ATG7: variants seen among roughly 807,000 people sequenced by gnomAD.
The protein encoded by ATG7 is ubiquitin-like modifier-activating enzyme ATG7.
ATG7 carries 70 observed loss-of-function variants against 82.4 expected under a neutral mutation model. That is an observed-to-expected ratio of 0.85 (90% confidence interval 0.70 to 1.04). ATG7 has a LOEUF of 1.04. Ranked by LOEUF, ATG7 falls within the 50% of genes least tolerant of loss-of-function variation. The probability of loss-of-function intolerance (pLI) is 0.00; values close to 1 mark genes in which losing one functional copy is unlikely to be tolerated. For missense variants in ATG7, 792 were observed against 864.3 expected (o/e 0.92, Z 1.05); for synonymous variants, 287 against 313.0 (o/e 0.92, Z 0.88).
At chr3:11,317,842 C>T (rs531951431) in intron 9 of ATG7, among the ~76,000 whole-genome samples, 21 of 152,300 alleles carry the variant, frequency 1.4e-4, no homozygotes, top group Non-Finnish European at 2.5e-4. Context: ...CCTCCCGCCT[C>T]GCCCTCCCAA....
downstream of ATG7, among the ~76,000 whole-genome samples, chr3:11,561,560 G>C (rs888119579): frequency 6.6e-6 from 1 of 152,186 alleles, no homozygotes; most frequent in African/African-American, 2.4e-5. Context: ...GCTGGAGTCA[G>C]GCATCTTGCC....
At chr3:11,325,558 C>A (rs1434306765) in intron 9 of ATG7, among the ~76,000 whole-genome samples, 3 of 151,960 alleles carry the variant, frequency 2.0e-5, no homozygotes, top group East Asian at 1.9e-4. Context: ...GTAATCCCAG[C>A]TACTCGGGAG....
intron 20 of ATG7, among the ~76,000 whole-genome samples, chr3:11,552,478 C>T (rs535010898): frequency 1.3e-5 from 2 of 152,262 alleles, no homozygotes; most frequent in Admixed American, 6.5e-5. Context: ...GTAGAGCCTG[C>T]AGATCCCAGC....
At chr3:11,287,204 A>G (rs1016093107) in intron 3 of ATG7, among the ~76,000 whole-genome samples, 3 of 152,226 alleles carry the variant, frequency 2.0e-5, no homozygotes, top group African/African-American at 7.2e-5. Flanking sequence ...CAGGTAAGCA[A>G]AGAGTTGAAA....
In ATG7 at chr3:11,479,257, C is replaced by T. The variant is rs146712328; in HGVS notation, c.2079+52331C>T. On this transcript the variant is annotated intron_variant, in intron 20 of 20. Coordinates refer to ENST00000693202, the MANE Select transcript of ATG7 (RefSeq NM_001349232.2). The stretch of plus-strand genomic sequence containing the variant: ...GGCACCTTTCAAAAAGTGAATTGGG[C>T]AGGTTCAGAGCTAATTTTTTCTTTA... Among the ~76,000 whole-genome samples, 9 of 152,182 alleles carry T rather than the reference C, an allele frequency of 5.9e-5. 1 individual carries two copies. In the East Asian group the frequency reaches 1.5e-3, roughly 26 times the overall value.
intron 9 of ATG7, among the ~76,000 whole-genome samples, chr3:11,319,021 C>A (rs945818363): frequency 2.0e-5 from 3 of 152,190 alleles, no homozygotes; most frequent in African/African-American, 7.2e-5. Context: ...AACTTTAGCA[C>A]AGAATCTTGT....
intron 20 of ATG7, among the ~76,000 whole-genome samples, chr3:11,465,178 C>T (rs564168476): frequency 1.2e-3 from 182 of 151,804 alleles, no homozygotes; most frequent in African/African-American, 3.8e-3. Context: ...GAGCCTGGGC[C>T]GGGCACAGTG....
intron 7 of ATG7, 47 bp from the exon 8 acceptor site, chr3:11,313,257 A>AAGTTAATG: frequency 7.9e-7 from 1 of 1,270,976 alleles, no homozygotes; most frequent in Middle Eastern, 2.0e-4. Flanking sequence ...ATTTCACCTT[A>AAGTTAATG]AGTTAATGGT....
At chr3:11,308,939 A>C in intron 6 of ATG7, 45 bp from the exon 7 acceptor site, 16 of 1,547,692 alleles carry the variant, frequency 1.0e-5, no homozygotes, top group Non-Finnish European at 1.2e-5. Flanking sequence ...TGAGAAACTC[A>C]GAGATGCCTG....
At chr3:11,535,784 G>A (rs2070232302) in intron 20 of ATG7, among the ~76,000 whole-genome samples, 1 of 152,192 alleles carries the variant, frequency 6.6e-6, no homozygotes, top group Non-Finnish European at 1.5e-5. Context: ...CTTCCCAAGA[G>A]CCCTCTGGGG....
chr3:11,295,569 T>C (rs1202661805), intron 3 of ATG7, among the ~76,000 whole-genome samples: 1 of 152,134 alleles, frequency 6.6e-6, no homozygotes, highest in Non-Finnish European at 1.5e-5. Context: ...ACAATGAAAT[T>C]GCATTTTAGA....
intron 20 of ATG7, among the ~76,000 whole-genome samples, chr3:11,495,779 G>C (rs2090781688): frequency 6.6e-6 from 1 of 152,162 alleles, no homozygotes; most frequent in Admixed American, 6.5e-5. Flanking sequence ...TGGTTCTAGA[G>C]AACTCTAGCT....
intron 20 of ATG7, among the ~76,000 whole-genome samples, chr3:11,501,555 G>A (rs1167520437): frequency 4.8e-5 from 1 of 20,716 alleles, no homozygotes; most frequent in African/African-American, 1.8e-4. Flanking sequence ...TAATAGATAG[G>A]TGTGATAATG....
chr3:11,548,227 T>TG (rs1158269314), intron 20 of ATG7, among the ~76,000 whole-genome samples: 4 of 152,186 alleles, frequency 2.6e-5, no homozygotes, highest in African/African-American at 9.7e-5. Context: ...TTCTTAAAGA[T>TG]GGGGTCTCAC....
intron 7 of ATG7, among the ~76,000 whole-genome samples, chr3:11,312,569 G>A (rs943924289): frequency 6.6e-6 from 1 of 152,162 alleles, no homozygotes; most frequent in Non-Finnish European, 1.5e-5. Flanking sequence ...TCTCTGCTCT[G>A]TCCACAAAGT....
At position 11,452,824 on chromosome 3, in the gene ATG7, C is replaced by A. The variant is rs138489822; in HGVS notation, c.2079+25898C>A. Among the ~76,000 whole-genome samples the A allele has an allele frequency of 3.0e-3, 455 of 152,230 alleles. 2 individuals are homozygous for A. The highest frequency in any genetic ancestry group is 0.01 in the African/African-American group (428 of 41,538). On this transcript the variant is annotated intron_variant, in intron 20 of 20. Coordinates refer to ENST00000693202, the MANE Select transcript of ATG7 (RefSeq NM_001349232.2). ...GCAGATATTAGTGTTAAGACCTATTCTTTTTAGTATTTTTTTAAACACAAA... is the reference window on the plus strand; with the variant it reads ...GCAGATATTAGTGTTAAGACCTATTATTTTTAGTATTTTTTTAAACACAAA...
chr3:11,570,046 G>A, the ATG7 span, among the ~76,000 whole-genome samples: 1 of 152,012 alleles, frequency 6.6e-6, no homozygotes, highest in Admixed American at 6.6e-5. Flanking sequence ...GAATAATATA[G>A]ACAGAACTTC....
chr3:11,554,228 C>T (rs1278088243), intron 20 of ATG7, among the ~76,000 whole-genome samples: 1 of 149,352 alleles, frequency 6.7e-6, no homozygotes, highest in Non-Finnish European at 1.5e-5. Context: ...GTGGCAGGAT[C>T]TGGCTGTCTC....
At chr3:11,380,113 C>T (rs1346888352) in intron 19 of ATG7, 61 bp downstream of exon 19, 12 of 1,499,240 alleles carry the variant, frequency 8.0e-6, no homozygotes, top group Middle Eastern at 1.7e-4. Flanking sequence ...CATTTGACCG[C>T]AGCCTCACCA....
Sources: gnomAD v4.1 joint callset for allele counts (sites outside exome capture counted in the v4.1 genomes callset) on GRCh38, gnomAD v4.1.1 for gene constraint, MANE v1.5 for transcripts, NCBI Gene and HGNC (gene_info 2026-07-23, HGNC 2026-07-21) for gene names.